DACH1: variants seen among roughly 807,000 people sequenced by gnomAD.
The protein encoded by DACH1 is dachshund homolog 1.
DACH1 carries 12 observed loss-of-function variants against 54.2 expected under a neutral mutation model. The observed-to-expected ratio is 0.22, with a 90% confidence interval of 0.14 to 0.36. DACH1 has a LOEUF of 0.36. Among genes scored for constraint, DACH1 ranks in the 10% least tolerant of loss-of-function variants. DACH1 has a pLI of 1.00. For synonymous variants in DACH1, 386 were observed against 366.2 expected, an observed-to-expected ratio of 1.05 and a Z score of -0.62; for missense variants, 805 against 929.8, an observed-to-expected ratio of 0.87 and a Z score of 1.75.
rs534517328 is a variant in DACH1 at position 71,659,910 on chromosome 13, T to C, written c.964+21885A>G. ...ATGTTCATGTTTCTAACAACACTAA[T>C]GCTTTTTCTGTGTGTTATGTGTTGT... On this transcript the variant is annotated intron_variant, in intron 2 of 10. Coordinates refer to ENST00000613252, the MANE Select transcript of DACH1 (RefSeq NM_080759.6). Among the ~76,000 whole-genome samples, 28 of 152,276 alleles carry C rather than the reference T, an allele frequency of 1.8e-4. No individual in the cohort carries two copies. The South Asian group carries it at 3.1e-3, about 17-fold the overall frequency.
At chr13:71,789,972 C>A (rs2138091116) in intron 1 of DACH1, among the ~76,000 whole-genome samples, 1 of 152,234 alleles carries the variant, frequency 6.6e-6, no homozygotes, top group Non-Finnish European at 1.5e-5. Context: ...CTTATTTATT[C>A]ACAGAAAGGA....
At chr13:71,546,435 TA>T (rs1268734377) in intron 6 of DACH1, among the ~76,000 whole-genome samples, 2 of 151,962 alleles carry the variant, frequency 1.3e-5, no homozygotes, top group Non-Finnish European at 2.9e-5. Flanking sequence ...ACCAATAAAA[TA>T]ATACTTAGTT....
intron 6 of DACH1, among the ~76,000 whole-genome samples, chr13:71,548,032 G>T (rs896600145): frequency 6.6e-6 from 1 of 152,156 alleles, no homozygotes; most frequent in Non-Finnish European, 1.5e-5. Flanking sequence ...GTATACGTGT[G>T]CACACGTGAG....
At chr13:71,860,974 G>T (rs539738153) in intron 1 of DACH1, among the ~76,000 whole-genome samples, 1 of 151,756 alleles carries the variant, frequency 6.6e-6, no homozygotes, top group Admixed American at 6.6e-5. Context: ...GTAGTAAATC[G>T]CCAAAGACAA....
At chr13:71,501,228 A>G (rs545170873) in intron 6 of DACH1, among the ~76,000 whole-genome samples, 1 of 152,274 alleles carries the variant, frequency 6.6e-6, no homozygotes, top group African/African-American at 2.4e-5. Flanking sequence ...AGACTGTGTA[A>G]CACGAGGCTG....
At chr13:71,721,544 G>A (rs1450097994) in intron 1 of DACH1, among the ~76,000 whole-genome samples, 3 of 152,062 alleles carry the variant, frequency 2.0e-5, no homozygotes, top group Non-Finnish European at 4.4e-5. Flanking sequence ...GCTTCTGATA[G>A]CAATGTCACA....
At chr13:71,667,596 G>A (rs1879925799) in intron 2 of DACH1, among the ~76,000 whole-genome samples, 1 of 152,082 alleles carries the variant, frequency 6.6e-6, no homozygotes, top group Non-Finnish European at 1.5e-5. Context: ...GATGATTGAT[G>A]TGGAACTCAC....
At chr13:71,516,764 A>C (rs1201773688) in intron 6 of DACH1, among the ~76,000 whole-genome samples, 1 of 151,788 alleles carries the variant, frequency 6.6e-6, no homozygotes, top group African/African-American at 2.4e-5. Context: ...TGTTACATTA[A>C]TTAGTTTAAA....
rs117693980 is a variant in DACH1 at position 71,505,123 on chromosome 13, G to T, written c.1571-15975C>A. On this transcript the variant is annotated intron_variant, in intron 6 of 10. Transcript: ENST00000613252. ...TTTCTTTCTGGAGTCTTACTCTGTC[G>T]CCAGGCTGGAGTGCAGTGGCAAGAT... 1.5e-3 allele frequency among the ~76,000 whole-genome samples: 232 copies of T among 151,684 alleles called. 2 individuals carry two copies. Among genetic ancestry groups the T allele is most frequent in the Non-Finnish European group, 2.5e-3 (173 of 67,954 alleles).
At chr13:71,443,974 G>A (rs1566262259) in intron 10 of DACH1, among the ~76,000 whole-genome samples, 1 of 152,046 alleles carries the variant, frequency 6.6e-6, no homozygotes, top group Admixed American at 6.6e-5. Flanking sequence ...CGTTTGCTTA[G>A]CTTAATTGGG....
intron 3 of DACH1, among the ~76,000 whole-genome samples, chr13:71,617,290 T>C (rs746701980): frequency 6.6e-6 from 1 of 152,224 alleles, no homozygotes; most frequent in Non-Finnish European, 1.5e-5. Flanking sequence ...TACTGTCTAC[T>C]GTATTACCTG....
In DACH1 at chr13:71,476,634, A is replaced by C. The variant is rs138143899; in HGVS notation, c.1871-785T>G. On this transcript the variant is annotated intron_variant, in intron 8 of 10. Coordinates refer to ENST00000613252, the MANE Select transcript of DACH1 (RefSeq NM_080759.6). ...ATGAGCCTTTTATATTTAAAAAAAT[A>C]GATAATACAAAAAGTTGATTATGAA... is the stretch of plus-strand genomic sequence containing the variant. Among the ~76,000 whole-genome samples, 320 of 152,280 alleles carry C rather than the reference A, an allele frequency of 2.1e-3. 2 individuals carry two copies. Among genetic ancestry groups the C allele is most frequent in the African/African-American group, 7.1e-3 (295 of 41,572 alleles).
intron 6 of DACH1, among the ~76,000 whole-genome samples, chr13:71,529,203 T>TTTTTTTTTTTTTTTTTTTTTTTTTC (rs1882236354): frequency 1.3e-5 from 2 of 149,198 alleles, no homozygotes; most frequent in African/African-American, 5.0e-5. Flanking sequence ...TTTTTTTTTT[T>TTTTTTTTTTTTTTTTTTTTTTTTTC]TGAGGCAGAA....
rs547909774 is a variant in DACH1, at chr13:71,689,255, TG to T, written c.849-7346del. On this transcript the variant is annotated intron_variant, in intron 1 of 10. Transcript: ENST00000613252. ...TCACATATTCCACCGGATGCCAGAA[TG>T]GGGGGCTTTACCCTTACATCACACC... 1.3e-4 allele frequency among the ~76,000 whole-genome samples: 20 copies of T among 152,256 alleles called. No individual in the cohort carries two copies. The South Asian group carries it at 3.9e-3, about 30-fold the overall frequency.
chr13:71,766,177 C>T lies in DACH1; in HGVS notation c.849-84267G>A, dbSNP rs905561252. ...CTGGGATTACAGGCGTGAGCCACCA[C>T]GCCTGGCCTCAAAAAGATTATTTAC... On this transcript the variant is annotated intron_variant, in intron 1 of 10. Coordinates refer to ENST00000613252, the MANE Select transcript of DACH1 (RefSeq NM_080759.6). Among the ~76,000 whole-genome samples, 10 of 152,146 alleles carry T rather than the reference C, an allele frequency of 6.6e-5. No homozygotes were observed. In the East Asian group the frequency reaches 1.7e-3, roughly 26 times the overall value.
intron 1 of DACH1, among the ~76,000 whole-genome samples, chr13:71,724,128 A>G (rs1883365078): frequency 6.6e-6 from 1 of 152,238 alleles, no homozygotes; most frequent in Non-Finnish European, 1.5e-5. Context: ...AGAAAAATAA[A>G]TTCGTATCTA....
intron 1 of DACH1, among the ~76,000 whole-genome samples, chr13:71,783,840 G>A (rs548078024): frequency 3.4e-5 from 5 of 146,410 alleles, no homozygotes; most frequent in African/African-American, 1.2e-4. Flanking sequence ...TTGATTTAAG[G>A]TTTTTTTTTT....
intron 1 of DACH1, among the ~76,000 whole-genome samples, chr13:71,757,426 C>T (rs191208793): frequency 4.7e-4 from 72 of 152,108 alleles, no homozygotes; most frequent in African/African-American, 8.9e-4. Flanking sequence ...ATCACTTAAC[C>T]TCTGTAGGGA....
chr13:71,468,845 C>T (rs1876819645), intron 10 of DACH1, among the ~76,000 whole-genome samples: 1 of 152,080 alleles, frequency 6.6e-6, no homozygotes, highest in Non-Finnish European at 1.5e-5. Context: ...GGGTTTCCCC[C>T]AGTGTGTCTA....
Sources: allele counts gnomAD v4.1 joint callset (sites outside exome capture counted in the v4.1 genomes callset), GRCh38; gene constraint gnomAD v4.1.1; transcripts MANE v1.5; gene names NCBI Gene and HGNC (gene_info 2026-07-23, HGNC 2026-07-21).